Variants in TNFAIP8 observed in about 807,000 individuals in gnomAD.
The protein encoded by TNFAIP8 is TNF alpha induced protein 8, also known as tumor necrosis factor alpha-induced protein 8.
In TNFAIP8, 7 loss-of-function variants were observed where a neutral mutation model predicts 13.3. That is an observed-to-expected ratio of 0.52 (90% CI 0.30 to 0.99). TNFAIP8 has a LOEUF of 0.99. Ranked by LOEUF, TNFAIP8 falls within the 50% of genes least tolerant of loss-of-function variation. The pLI is 0.07. For missense variants in TNFAIP8, 258 were observed against 236.9 expected (o/e 1.09, Z -0.58); for synonymous variants, 94 against 87.6 (o/e 1.07, Z -0.41).
rs545125698 is a variant in TNFAIP8, at chr5:119,356,066, C to T, written c.-25C>T. 3.8e-6 allele frequency: 6 copies of T among 1,573,068 alleles called. No individual in the cohort carries two copies. The East Asian group carries it at 9.4e-5, about 25-fold the overall frequency. Reference sequence around the variant, plus strand: ...CCGAGTACATGTGAGCGGTAATCGCCCCTGCAGCTGGTTATCCTGACATTA... The same window carrying T: ...CCGAGTACATGTGAGCGGTAATCGCTCCTGCAGCTGGTTATCCTGACATTA... On this transcript the variant is annotated 5_prime_UTR_variant, in exon 1 of 2. Transcript: ENST00000504771.
intron 1 of TNFAIP8, among the ~76,000 whole-genome samples, chr5:119,371,614 A>G (rs1365323103): frequency 1.5e-5 from 1 of 65,300 alleles, no homozygotes; most frequent in Admixed American, 1.1e-4. Context: ...CATTCAAAAG[A>G]CTTGAATTCA....
At chr5:119,285,965 CT>C (rs528518023) in intron 1 of TNFAIP8, among the ~76,000 whole-genome samples, 81 of 150,958 alleles carry the variant, frequency 5.4e-4, no homozygotes, top group Admixed American at 1.8e-3. Flanking sequence ...AGTACATACG[CT>C]TTTTTTTTAG....
chr5:119,377,365 C>T (rs1448348000), intron 1 of TNFAIP8, among the ~76,000 whole-genome samples: 2 of 151,572 alleles, frequency 1.3e-5, no homozygotes, highest in African/African-American at 4.9e-5. Flanking sequence ...GCCTGGGCAA[C>T]AGAGTGAGAC....
intron 1 of TNFAIP8, among the ~76,000 whole-genome samples, chr5:119,275,811 A>C (rs1288675831): frequency 1.3e-5 from 2 of 150,552 alleles, no homozygotes; most frequent in Non-Finnish European, 3.0e-5. Flanking sequence ...ATTTTAGTAG[A>C]TTGACAGCTT....
intron 1 of TNFAIP8, among the ~76,000 whole-genome samples, chr5:119,350,952 T>TTTTGTG (rs369026854): frequency 6.9e-6 from 1 of 144,688 alleles, no homozygotes; most frequent in African/African-American, 2.6e-5. Context: ...CTATGTGTAT[T>TTTTGTG]TGTGTGTGTG....
chr5:119,378,476 G>T (rs917616474), intron 1 of TNFAIP8, among the ~76,000 whole-genome samples: 1 of 152,156 alleles, frequency 6.6e-6, no homozygotes, highest in Non-Finnish European at 1.5e-5. Context: ...AACAACATTT[G>T]GATACAGTTA....
chr5:119,276,208 C>T (rs1748439940), intron 1 of TNFAIP8, among the ~76,000 whole-genome samples: 1 of 151,674 alleles, frequency 6.6e-6, no homozygotes, highest in Non-Finnish European at 1.5e-5. Context: ...ACCTCTAACT[C>T]CCGGGTTCAA....
chr5:119,294,889 A>T (rs6595182), intron 1 of TNFAIP8, among the ~76,000 whole-genome samples: 137,703 of 151,252 alleles, frequency 0.91, 62,810 homozygotes, highest in East Asian at 0.99. Context: ...GATGGGGTTG[A>T]TTGTTTTTCT....
At chr5:119,345,382 T>C (rs1238098009) in intron 1 of TNFAIP8, among the ~76,000 whole-genome samples, 2 of 152,224 alleles carry the variant, frequency 1.3e-5, no homozygotes, top group African/African-American at 2.4e-5. Flanking sequence ...TCTGGGTATA[T>C]ACTCAAAAGA....
At chr5:119,389,853 A>T (rs886212028) in intron 1 of TNFAIP8, among the ~76,000 whole-genome samples, 4 of 152,250 alleles carry the variant, frequency 2.6e-5, no homozygotes, top group African/African-American at 9.6e-5. Flanking sequence ...AAAGCCTCAG[A>T]GATCAACTTC....
At chr5:119,300,657 A>G (rs910652934) in intron 1 of TNFAIP8, among the ~76,000 whole-genome samples, 12 of 152,156 alleles carry the variant, frequency 7.9e-5, no homozygotes, top group African/African-American at 1.4e-4. Flanking sequence ...CCGTTTTGCA[A>G]TGAGGAGGGT....
rs183682473 is a variant in TNFAIP8, at chr5:119,310,916, A to G, written c.1+42009A>G. On this transcript the variant is annotated intron_variant, in intron 1 of 1. Transcript: ENST00000274456. ...GTCTGGTCCCCTTCTCCTTCCCCATACTCTTAAAACCTACTTAAGAGTTTT... is the reference window on the plus strand; with the variant it reads ...GTCTGGTCCCCTTCTCCTTCCCCATGCTCTTAAAACCTACTTAAGAGTTTT... Among the ~76,000 whole-genome samples the G allele has an allele frequency of 8.6e-4, 131 of 152,002 alleles. 1 individual carries two copies. The highest frequency in any genetic ancestry group is 6.8e-3 in the Middle Eastern group (2 of 294).
chr5:119,271,412 G>A (rs1488480405), intron 1 of TNFAIP8, among the ~76,000 whole-genome samples: 1 of 152,162 alleles, frequency 6.6e-6, no homozygotes, highest in Non-Finnish European at 1.5e-5. Flanking sequence ...AGCCCAATGT[G>A]GTAGTAACAC....
At chr5:119,329,709 C>G (rs1750318139) in intron 1 of TNFAIP8, among the ~76,000 whole-genome samples, 1 of 151,946 alleles carries the variant, frequency 6.6e-6, no homozygotes, top group South Asian at 2.1e-4. Flanking sequence ...GCCCACCTCC[C>G]AGGGTTTTGG....
intron 1 of TNFAIP8, among the ~76,000 whole-genome samples, chr5:119,302,089 T>C (rs967139986): frequency 6.6e-6 from 1 of 152,200 alleles, no homozygotes; most frequent in African/African-American, 2.4e-5. Context: ...AAGGGAGGAG[T>C]TGGTTATTCA....
At chr5:119,309,049 A>G (rs148950427) in intron 1 of TNFAIP8, among the ~76,000 whole-genome samples, 1 of 152,326 alleles carries the variant, frequency 6.6e-6, no homozygotes, top group Non-Finnish European at 1.5e-5. Context: ...GTGGCATTGA[A>G]GGAGACAGTT....
At chr5:119,314,446 C>G (rs546941486) in intron 1 of TNFAIP8, among the ~76,000 whole-genome samples, 104 of 152,182 alleles carry the variant, frequency 6.8e-4, no homozygotes, top group Non-Finnish European at 1.1e-3. Context: ...CAAAAACAGA[C>G]AGATTCAAAG....
At chr5:119,282,056 T>C (rs1216620390) in intron 1 of TNFAIP8, among the ~76,000 whole-genome samples, 8 of 152,246 alleles carry the variant, frequency 5.3e-5, no homozygotes, top group Non-Finnish European at 1.2e-4. Flanking sequence ...TGCTACTCTT[T>C]TAGCACTTTT....
At chr5:119,324,477 G>C (rs1253167000) in intron 1 of TNFAIP8, among the ~76,000 whole-genome samples, 1 of 151,898 alleles carries the variant, frequency 6.6e-6, no homozygotes, top group Non-Finnish European at 1.5e-5. Flanking sequence ...TAAGCAAAAA[G>C]GGAATGACAC....
Sources: allele counts gnomAD v4.1 joint callset (sites outside exome capture counted in the v4.1 genomes callset), GRCh38; gene constraint gnomAD v4.1.1; transcripts MANE v1.5; gene names NCBI Gene and HGNC (gene_info 2026-07-23, HGNC 2026-07-21).